The following TUBGCP3 variants were observed in gnomAD, a reference collection of about 807,000 sequenced individuals.
TUBGCP3 encodes the protein gamma-tubulin complex component 3.
Under a neutral mutation model 123.1 loss-of-function variants are expected in TUBGCP3, and 50 were observed. The ratio of observed to expected loss-of-function variants is 0.41; its 90% confidence interval spans 0.32 to 0.51. TUBGCP3 has a LOEUF of 0.51. Among genes scored for constraint, TUBGCP3 ranks in the 20% least tolerant of loss-of-function variants. The pLI, the probability that TUBGCP3 is intolerant of heterozygous loss-of-function variation, is 0.36. For synonymous variants in TUBGCP3, 405 were observed against 413.9 expected (o/e 0.98, Z 0.26); for missense variants, 882 against 1,127.0 (o/e 0.78, Z 3.11).
chr13:112,494,206 T>C (rs1290163293), intron 20 of TUBGCP3, among the ~76,000 whole-genome samples: 1 of 152,102 alleles, frequency 6.6e-6, no homozygotes, highest in Non-Finnish European at 1.5e-5. Context: ...CGAGGCCTGG[T>C]GTGCCTGAGA....
upstream of TUBGCP3, among the ~76,000 whole-genome samples, chr13:112,589,168 T>C (rs1054505017): frequency 3.9e-5 from 6 of 152,210 alleles, no homozygotes; most frequent in Admixed American, 1.3e-4. Context: ...GCTTCTAAAC[T>C]TGCATCACAC....
At chr13:112,506,068 A>C (rs1881287530) in intron 17 of TUBGCP3, among the ~76,000 whole-genome samples, 1 of 152,256 alleles carries the variant, frequency 6.6e-6, no homozygotes, top group African/African-American at 2.4e-5. Context: ...GTTTAAAAAA[A>C]TAAATTTCAA....
intron 19 of TUBGCP3, among the ~76,000 whole-genome samples, chr13:112,502,154 TCAA>T (rs1880950413): frequency 6.6e-6 from 1 of 152,142 alleles, no homozygotes; most frequent in Admixed American, 6.5e-5. Context: ...GCCACTATGG[TCAA>T]CATTATACTT....
chr13:112,543,973 G>C (rs541402692), intron 11 of TUBGCP3, among the ~76,000 whole-genome samples: 3 of 152,238 alleles, frequency 2.0e-5, no homozygotes, highest in Admixed American at 6.5e-5. Context: ...TAGTAATCAG[G>C]GAAATGCAAA....
rs1347605673 is a variant in TUBGCP3 at position 112,508,242 on chromosome 13, T to A, written c.2087-3528A>T. On this transcript the variant is annotated intron_variant, in intron 17 of 21. Coordinates refer to ENST00000261965, the MANE Select transcript of TUBGCP3 (RefSeq NM_006322.6). This position sits in a 1 kb window ranked among gnomAD's most constrained non-coding sequence, Gnocchi z 4.2. Reference sequence around the variant, plus strand: ...CACACACTTAAAAGGCCAACCCGTATCCCCTCACTCTGAATCCATCTATTC... The same window carrying A: ...CACACACTTAAAAGGCCAACCCGTAACCCCTCACTCTGAATCCATCTATTC... Among the ~76,000 whole-genome samples the A allele has an allele frequency of 6.6e-6, 1 of 152,078 alleles. No individual in the cohort carries two copies. Among genetic ancestry groups the A allele is most frequent in the Non-Finnish European group, 1.5e-5 (1 of 68,012 alleles).
intron 1 of TUBGCP3, among the ~76,000 whole-genome samples, chr13:112,580,585 C>A (rs534215362): frequency 6.6e-6 from 1 of 152,268 alleles, no homozygotes; most frequent in South Asian, 2.1e-4. Flanking sequence ...AAGTTCCACA[C>A]CTAGACACAT....
intron 14 of TUBGCP3, 45 bp from the exon 15 acceptor site, chr13:112,520,066 T>C (rs1285335123): frequency 2.6e-6 from 4 of 1,556,418 alleles, no homozygotes; most frequent in Non-Finnish European, 1.7e-6. Context: ...ACTTCAATTC[T>C]TAATGAACTT....
intron 14 of TUBGCP3, chr13:112,521,581 C>T (rs1876630030): frequency 1.2e-6 from 1 of 805,394 alleles, no homozygotes; most frequent in Non-Finnish European, 1.5e-6. Context: ...GGACCTGAGG[C>T]CTAAAACAAT....
chr13:112,577,649 T>C (rs1267894437), intron 1 of TUBGCP3, among the ~76,000 whole-genome samples: 1 of 152,178 alleles, frequency 6.6e-6, no homozygotes, highest in African/African-American at 2.4e-5. Context: ...AATTAATTAA[T>C]TCTAACAAGT....
intron 11 of TUBGCP3, among the ~76,000 whole-genome samples, chr13:112,537,463 T>C (rs9604342): frequency 0.14 from 20,919 of 152,138 alleles, 2,430 homozygotes; most frequent in African/African-American, 0.31. Context: ...TTTGATTATA[T>C]TGAACTACCC....
intron 11 of TUBGCP3, among the ~76,000 whole-genome samples, chr13:112,542,279 G>A (rs932031803): frequency 6.6e-6 from 1 of 152,130 alleles, no homozygotes; most frequent in African/African-American, 2.4e-5. Flanking sequence ...TAATGGTCAG[G>A]AGATTTAATA....
chr13:112,585,516 T>G (rs2139340437), intron 1 of TUBGCP3, among the ~76,000 whole-genome samples: 1 of 152,214 alleles, frequency 6.6e-6, no homozygotes, highest in African/African-American at 2.4e-5. Context: ...TCCCAGCACT[T>G]TGGGAGGCCA....
intron 11 of TUBGCP3, among the ~76,000 whole-genome samples, chr13:112,544,189 C>G (rs971421162): frequency 2.0e-5 from 3 of 152,154 alleles, no homozygotes; most frequent in Non-Finnish European, 4.4e-5. Context: ...CGCAGTGGCT[C>G]ACGCCTGTAA....
chr13:112,581,451 AT>A (rs11415122), intron 1 of TUBGCP3, among the ~76,000 whole-genome samples: 6 of 150,662 alleles, frequency 4.0e-5, no homozygotes, highest in African/African-American at 7.3e-5. Context: ...CTATTTAAGA[AT>A]TTTTTTTTTC....
chr13:112,528,709 T>C (rs537685075), intron 11 of TUBGCP3, among the ~76,000 whole-genome samples: 1 of 152,348 alleles, frequency 6.6e-6, no homozygotes, highest in South Asian at 2.1e-4. Context: ...ATCTATTTTT[T>C]TGTTATATGT....
intron 17 of TUBGCP3, among the ~76,000 whole-genome samples, chr13:112,505,652 C>T (rs1197755775): frequency 5.3e-5 from 8 of 152,236 alleles, no homozygotes; most frequent in Admixed American, 2.0e-4. Flanking sequence ...TGGTTTAACA[C>T]ATGACAGCTT....
chr13:112,532,348 A>G (rs1056515076), intron 11 of TUBGCP3, among the ~76,000 whole-genome samples: 7 of 152,240 alleles, frequency 4.6e-5, no homozygotes, highest in African/African-American at 1.7e-4. Context: ...GAGATATTCT[A>G]TCTTATCCAT....
At chr13:112,547,507 C>T (rs963133831) in intron 10 of TUBGCP3, 113 bp downstream of exon 10, 3 of 1,332,744 alleles carry the variant, frequency 2.3e-6, no homozygotes, top group Non-Finnish European at 1.9e-6. Flanking sequence ...GCCAGACGCG[C>T]GTGGGAAAGA....
chr13:112,505,474 C>T (rs117230310), intron 17 of TUBGCP3, among the ~76,000 whole-genome samples: 18 of 152,360 alleles, frequency 1.2e-4, no homozygotes, highest in Non-Finnish European at 2.5e-4. Flanking sequence ...ACTTGCTACG[C>T]ATGCAGTTGT....
Sources: gnomAD v4.1 joint callset for allele counts (sites outside exome capture counted in the v4.1 genomes callset) on GRCh38, gnomAD v4.1.1 for gene constraint, Gnocchi (gnomAD v3.1) non-coding constraint, MANE v1.5 for transcripts, NCBI Gene and HGNC (gene_info 2026-07-23, HGNC 2026-07-21) for gene names.